TWSG1: variants seen among roughly 807,000 people sequenced by gnomAD.
TWSG1 encodes the protein twisted gastrulation protein homolog 1.
In TWSG1, 15 loss-of-function variants were observed where a neutral mutation model predicts 23.0. The ratio of observed to expected loss-of-function variants is 0.65; its 90% CI spans 0.44 to 1.00. TWSG1 has a LOEUF of 1.00. Among genes scored for constraint, TWSG1 ranks in the 50% least tolerant of loss-of-function variants. The pLI is 0.00. For synonymous variants in TWSG1, 86 were observed against 92.8 expected (o/e 0.93, Z 0.42); for missense variants, 242 against 278.7 (o/e 0.87, Z 0.94).
chr18:9,354,962 CT>C (rs939710207), intron 2 of TWSG1, among the ~76,000 whole-genome samples: 50 of 145,490 alleles, frequency 3.4e-4, no homozygotes, highest in Admixed American at 4.1e-4. Context: ...GTAAAGTTTT[CT>C]TTTTTTTTTT....
chr18:9,372,525 A>G (rs2040610731), intron 3 of TWSG1, among the ~76,000 whole-genome samples: 1 of 147,870 alleles, frequency 6.8e-6, no homozygotes, highest in Non-Finnish European at 1.5e-5. Context: ...CTGTATGTAT[A>G]TATATTTATA....
intron 3 of TWSG1, among the ~76,000 whole-genome samples, chr18:9,374,282 A>G (rs954011771): frequency 2.0e-5 from 3 of 152,204 alleles, no homozygotes; most frequent in Non-Finnish European, 4.4e-5. Flanking sequence ...AAAATGGATG[A>G]TCTTCTAACT....
chr18:9,365,563 G>A (rs1286843602), intron 3 of TWSG1, among the ~76,000 whole-genome samples: 1 of 152,132 alleles, frequency 6.6e-6, no homozygotes, highest in Admixed American at 6.5e-5. Flanking sequence ...AGCTACTTGG[G>A]TGGGAGCGGG....
At chr18:9,346,994 G>T (rs2040480337) in intron 2 of TWSG1, among the ~76,000 whole-genome samples, 1 of 152,168 alleles carries the variant, frequency 6.6e-6, no homozygotes, top group African/African-American at 2.4e-5. Context: ...CCAGCATTTG[G>T]TGTTTTAAGT....
chr18:9,341,810 A>AT lies in TWSG1; in HGVS notation c.123+4470dup, dbSNP rs879588904. 1.9e-3 allele frequency among the ~76,000 whole-genome samples: 213 copies of AT among 112,458 alleles called. 1 individual carries two copies. Among genetic ancestry groups the AT allele is most frequent in the East Asian group, 6.0e-3 (30 of 5,018 alleles). 73.8% of individuals were successfully genotyped at this position (112,458 alleles called of 152,430 possible). ...CTTTTAAAGTTTATTTTATTTTATT[A>AT]TTTTTTTTTTTTAGCAATGAGACAG... On this transcript the variant is annotated intron_variant, in intron 2 of 4. Transcript: ENST00000262120.
At chr18:9,352,380 G>T (rs971704565) in intron 2 of TWSG1, among the ~76,000 whole-genome samples, 3 of 152,120 alleles carry the variant, frequency 2.0e-5, no homozygotes, top group African/African-American at 7.2e-5. Context: ...TATGAATGAT[G>T]TTGATACTTT....
At chr18:9,363,528 C>T (rs1031626562) in intron 3 of TWSG1, among the ~76,000 whole-genome samples, 11 of 152,106 alleles carry the variant, frequency 7.2e-5, no homozygotes, top group Non-Finnish European at 1.2e-4. Context: ...CACTATTATC[C>T]GTGAAGTCCT....
chr18:9,346,762 C>A (rs1323412005), intron 2 of TWSG1, among the ~76,000 whole-genome samples: 2 of 152,196 alleles, frequency 1.3e-5, no homozygotes, highest in African/African-American at 4.8e-5. Flanking sequence ...GACCCTGTCC[C>A]TATAAAATAA....
At chr18:9,369,831 C>T (rs1434135769) in intron 3 of TWSG1, among the ~76,000 whole-genome samples, 1 of 152,142 alleles carries the variant, frequency 6.6e-6, no homozygotes, top group Admixed American at 6.5e-5. Context: ...ATGCCCAGCC[C>T]CCTGAGTTCG....
intron 2 of TWSG1, 139 bp from the exon 3 acceptor site, chr18:9,359,833 A>C (rs1228217386): frequency 1.8e-6 from 1 of 565,966 alleles, no homozygotes; most frequent in Non-Finnish European, 3.1e-6. Flanking sequence ...TCTGATGAAT[A>C]GTTAATAATG....
At chr18:9,360,971 TTCTCTTA>T (rs2040550023) in intron 3 of TWSG1, among the ~76,000 whole-genome samples, 1 of 152,224 alleles carries the variant, frequency 6.6e-6, no homozygotes, top group South Asian at 2.1e-4. Context: ...AAGCATTTAG[TTCTCTTA>T]TCTCTTAATC....
intron 2 of TWSG1, among the ~76,000 whole-genome samples, chr18:9,345,405 C>G: frequency 6.6e-6 from 1 of 152,104 alleles, no homozygotes; most frequent in East Asian, 1.9e-4. Flanking sequence ...AATCCCAGCA[C>G]TTTGGGAGAT....
At chr18:9,389,828 A>G (rs2040703392) in intron 3 of TWSG1, among the ~76,000 whole-genome samples, 1 of 152,248 alleles carries the variant, frequency 6.6e-6, no homozygotes, top group African/African-American at 2.4e-5. Flanking sequence ...GTATAGCCAT[A>G]CCCCACGGAA....
In TWSG1 at chr18:9,378,740, G is replaced by A. The variant is rs1376850749; in HGVS notation, c.224-17540G>A. Among the ~76,000 whole-genome samples the A allele has an allele frequency of 2.0e-5, 3 of 151,968 alleles. No individual in the cohort carries two copies. In the East Asian group the frequency reaches 5.8e-4, roughly 29 times the overall value. ...TAATCCCAGCACCTTGGGAGGCCAA[G>A]ATGGGTGGATCACTGAGTTTAGGAG... On this transcript the variant is annotated intron_variant, in intron 3 of 4. Coordinates refer to ENST00000262120, the MANE Select transcript of TWSG1 (RefSeq NM_020648.6).
At chr18:9,375,741 A>G (rs2040627016) in intron 3 of TWSG1, among the ~76,000 whole-genome samples, 1 of 152,224 alleles carries the variant, frequency 6.6e-6, no homozygotes, top group Non-Finnish European at 1.5e-5. Flanking sequence ...TATTTATATT[A>G]GCACCCCCAA....
Position 9,385,550 on chromosome 18 carries a change from G to A in TWSG1, c.224-10730G>A, listed in dbSNP as rs1312166695. ...AAAAAATACAAAAAATTAGCCGGGC[G>A]CGGTGGCGGGCGCCTGTAGTCCCAG... On this transcript the variant is annotated intron_variant, in intron 3 of 4. Coordinates refer to ENST00000262120, the MANE Select transcript of TWSG1 (RefSeq NM_020648.6). Among the ~76,000 whole-genome samples, 5 of 95,214 alleles carry A rather than the reference G, an allele frequency of 5.3e-5. 1 individual carries two copies. Among genetic ancestry groups the A allele is most frequent in the South Asian group, 6.8e-4 (2 of 2,922 alleles). 62.5% of individuals were successfully genotyped at this position (95,214 alleles called of 152,430 possible). A position where few individuals can be genotyped will look rare whatever the true frequency, so the allele number is the denominator to read the frequency against.
At chr18:9,384,719 C>T (rs895540211) in intron 3 of TWSG1, among the ~76,000 whole-genome samples, 1 of 151,038 alleles carries the variant, frequency 6.6e-6, no homozygotes, top group Non-Finnish European at 1.5e-5. Context: ...AACCTTGGCT[C>T]ACTGCAACCT....
chr18:9,399,391 A>C lies in TWSG1; in HGVS notation c.536A>C (p.His179Pro). ...TATTTTGATGACTGCATGTCCATAC[A>C]TCAGTGTAAAATATCCTGTGAGTCC... ...VVYFDDCMSI[H>P]QCKISCESMG... Residue 179 changes from histidine to proline, a missense_variant, in exon 5 of 5, where the codon CAT becomes CCT. Coordinates refer to ENST00000262120, the MANE Select transcript of TWSG1 (RefSeq NM_020648.6). 1 of 1,613,806 alleles carries C rather than the reference A, an allele frequency of 6.2e-7. No homozygotes were observed. Among genetic ancestry groups the C allele is most frequent in the Non-Finnish European group, 8.5e-7 (1 of 1,179,922 alleles).
chr18:9,338,750 C>A (rs2040433270), intron 2 of TWSG1, among the ~76,000 whole-genome samples: 1 of 152,192 alleles, frequency 6.6e-6, no homozygotes, highest in African/African-American at 2.4e-5. Context: ...TCTGTGGTAC[C>A]TCCCAGATTG....
Sources: allele counts gnomAD v4.1 joint callset (sites outside exome capture counted in the v4.1 genomes callset), GRCh38; gene constraint gnomAD v4.1.1; transcripts MANE v1.5; gene names NCBI Gene and HGNC (gene_info 2026-07-23, HGNC 2026-07-21).